Variants in GSG1L2 observed in about 807,000 individuals in gnomAD.
The protein encoded by GSG1L2 is germ cell-specific gene 1-like protein 2.
A neutral mutation model predicts 9.0 loss-of-function variants in GSG1L2; 15 were observed. The ratio of observed to expected loss-of-function variants is 1.67; its 90% CI spans 1.12 to 2.57. GSG1L2 has a LOEUF of 2.57. Among genes scored for constraint, GSG1L2 ranks in the 30% most tolerant of loss-of-function variants. GSG1L2 has a pLI of 0.00. For synonymous variants in GSG1L2, 127 were observed against 57.9 expected (o/e 2.19, Z -5.41); for missense variants, 286 against 150.3 (o/e 1.90, Z -4.72).
At chr17:9,807,393 A>G (rs993285756) in intron 4 of GSG1L2, 97 bp downstream of exon 4, 2 of 679,020 alleles carry the variant, frequency 2.9e-6, no homozygotes, top group African/African-American at 3.5e-5. Context: ...AGATGCCAGC[A>G]CTATGACCAA....
intron 1 of GSG1L2, among the ~76,000 whole-genome samples, chr17:9,812,884 T>C (rs746414362): frequency 4.6e-5 from 7 of 152,178 alleles, no homozygotes; most frequent in East Asian, 3.9e-4. Flanking sequence ...ATAACAGGCA[T>C]GGGCCACCAT....
intron 2 of GSG1L2, chr17:9,809,977 A>T (rs1176426838): frequency 1.3e-5 from 2 of 153,104 alleles, no homozygotes; most frequent in Non-Finnish European, 2.9e-5. Context: ...AGAGGATCCC[A>T]CCTGTGGCTT....
In GSG1L2 at chr17:9,810,364, A is replaced by G. The variant is rs951652043; in HGVS notation, c.358+207T>C. ...TGCTGCCAATCAGGGCTTCCCATCC[A>G]CCCTACAAAGTTGGCTGTTAAACAT... is the stretch of plus-strand genomic sequence containing the variant. On this transcript the variant is annotated intron_variant, in intron 2 of 4. Coordinates refer to ENST00000399363, the MANE Select transcript of GSG1L2 (RefSeq NM_001310219.2). 7 of 585,342 alleles carry G rather than the reference A, an allele frequency of 1.2e-5. No homozygotes were observed. The African/African-American group carries it at 1.3e-4, about 11-fold the overall frequency. The allele number at this position is 585,342 out of a possible 1,614,324, so 36.3% of individuals were successfully genotyped here. A position where few individuals can be genotyped will look rare whatever the true frequency, so the allele number is the denominator to read the frequency against.
intron 1 of GSG1L2, among the ~76,000 whole-genome samples, chr17:9,811,325 GT>G (rs2066538022): frequency 6.6e-6 from 1 of 152,150 alleles, no homozygotes; most frequent in Non-Finnish European, 1.5e-5. Flanking sequence ...GGAAGGAATC[GT>G]TGTGTGTGTA....
intron 3 of GSG1L2, 89 bp from the exon 4 acceptor site, chr17:9,807,690 T>C: frequency 1.4e-6 from 1 of 690,084 alleles, no homozygotes; most frequent in Non-Finnish European, 2.6e-6. Context: ...AGGAGCTCTC[T>C]AGCATTCATA....
At chr17:9,819,057 G>C (rs2066579031) in intron 1 of GSG1L2, among the ~76,000 whole-genome samples, 1 of 152,174 alleles carries the variant, frequency 6.6e-6, no homozygotes, top group Non-Finnish European at 1.5e-5. Flanking sequence ...TGTACACTGA[G>C]GTGGGCTCCT....
chr17:9,810,628 A>G lies in GSG1L2; in HGVS notation c.311-10T>C, dbSNP rs1297547098. The G allele has an allele frequency of 2.8e-6, 2 of 703,018 alleles. No homozygotes were observed. Among genetic ancestry groups the G allele is most frequent in the East Asian group, 5.4e-5 (2 of 37,288 alleles). The allele number at this position is 703,018 out of a possible 1,614,324, so 43.5% of individuals were successfully genotyped here. A position where few individuals can be genotyped will look rare whatever the true frequency, so the allele number is the denominator to read the frequency against. Reference sequence around the variant, plus strand: ...CTCCTACACTTTTCATCTGAAAGATAAAGAGAATGCATCCAGAAGTGGGTT... The same window carrying G: ...CTCCTACACTTTTCATCTGAAAGATGAAGAGAATGCATCCAGAAGTGGGTT... On this transcript the variant is annotated splice_polypyrimidine_tract_variant and intron_variant, in intron 1 of 4. Transcript: ENST00000399363.
chr17:9,813,246 C>G (rs943414024), intron 1 of GSG1L2, among the ~76,000 whole-genome samples: 5 of 152,220 alleles, frequency 3.3e-5, no homozygotes, highest in Non-Finnish European at 7.3e-5. Flanking sequence ...CTTCACACTT[C>G]TGCATCACCC....
intron 1 of GSG1L2, among the ~76,000 whole-genome samples, chr17:9,815,644 A>C (rs777045547): frequency 3.3e-5 from 5 of 152,206 alleles, no homozygotes; most frequent in Non-Finnish European, 5.9e-5. Flanking sequence ...AGTTTGTTGG[A>C]CTTCAAGATA....
intron 1 of GSG1L2, among the ~76,000 whole-genome samples, chr17:9,819,868 C>T (rs1363536607): frequency 6.6e-6 from 1 of 151,960 alleles, no homozygotes; most frequent in Non-Finnish European, 1.5e-5. Flanking sequence ...CCGCCTCAGC[C>T]TTCCAAAATG....
At chr17:9,803,717 A>G (rs1304982254) in intron 4 of GSG1L2, 1 of 152,202 alleles carries the variant, frequency 6.6e-6, no homozygotes, top group Non-Finnish European at 1.5e-5. Context: ...TGGGCACCAG[A>G]TTATCTAACT....
chr17:9,813,827 C>T (rs975257752), intron 1 of GSG1L2, among the ~76,000 whole-genome samples: 16 of 152,242 alleles, frequency 1.1e-4, no homozygotes, highest in African/African-American at 1.4e-4. Context: ...CAGTCACCAT[C>T]GCAAGTTTCC....
chr17:9,809,364 G>A (rs1455109621), intron 2 of GSG1L2: 40 of 298,198 alleles, frequency 1.3e-4, no homozygotes, highest in South Asian at 3.4e-4. Context: ...ACAGACCTTC[G>A]CAGTGAGTGT....
At chr17:9,811,185 G>A (rs577629168) in intron 1 of GSG1L2, 1 of 152,484 alleles carries the variant, frequency 6.6e-6, no homozygotes, top group South Asian at 2.1e-4. Context: ...TCTTGTTGAA[G>A]GGAAATGATC....
chr17:9,815,315 C>G (rs573517410), intron 1 of GSG1L2, among the ~76,000 whole-genome samples: 1 of 152,022 alleles, frequency 6.6e-6, no homozygotes, highest in South Asian at 2.1e-4. Context: ...GCTTGAACCC[C>G]GGAGGCAGGG....
Position 9,801,270 on chromosome 17 carries a change from C to T in GSG1L2, c.*1116G>A, listed in dbSNP as rs758195756. Among the ~76,000 whole-genome samples, 2 of 152,008 alleles carry T rather than the reference C, an allele frequency of 1.3e-5. No individual in the cohort carries two copies. Among genetic ancestry groups the T allele is most frequent in the South Asian group, 2.1e-4 (1 of 4,818 alleles). ...TTGCCCAGGCTGGAGTGCAATGGCG[C>T]GATCTCTGCTCACTGCAACCTCCAC... On this transcript the variant is annotated 3_prime_UTR_variant, in exon 5 of 5. Transcript: ENST00000399363.
At chr17:9,816,878 G>A (rs1567711534) in intron 1 of GSG1L2, among the ~76,000 whole-genome samples, 2 of 118,696 alleles carry the variant, frequency 1.7e-5, no homozygotes, top group Non-Finnish European at 3.3e-5. Context: ...GTCTGTGTGT[G>A]TATCTGTGTG....
chr17:9,807,221 A>G (rs1382051587), intron 4 of GSG1L2, among the ~76,000 whole-genome samples: 1 of 152,180 alleles, frequency 6.6e-6, no homozygotes, highest in African/African-American at 2.4e-5. Flanking sequence ...GATCATCAAC[A>G]ACGTCTCAAT....
chr17:9,807,489 C>T lies in GSG1L2; in HGVS notation c.623+1G>A, dbSNP rs2066520290. ...TTCAGCACCATGACCAAGCAACTTA[C>T]CAATATGACCAGCCATAGTCCCAGG... On this transcript the variant is annotated splice_donor_variant, in intron 4 of 4. Coordinates refer to ENST00000399363, the MANE Select transcript of GSG1L2 (RefSeq NM_001310219.2). LOFTEE classifies it high-confidence loss of function. 1 of 702,732 alleles carries T rather than the reference C, an allele frequency of 1.4e-6. No homozygotes were observed. The highest frequency in any genetic ancestry group is 1.7e-5 in the African/African-American group (1 of 57,254). 43.5% of individuals were successfully genotyped at this position (702,732 alleles called of 1,614,324 possible).
Sources: allele counts gnomAD v4.1 joint callset (sites outside exome capture counted in the v4.1 genomes callset), GRCh38; gene constraint gnomAD v4.1.1; transcripts MANE v1.5; gene names NCBI Gene and HGNC (gene_info 2026-07-23, HGNC 2026-07-21).